The following TRAPPC9 variants were observed in gnomAD, a reference collection of about 807,000 sequenced individuals.
The protein encoded by TRAPPC9 is trafficking protein particle complex subunit 9, also known as IKK2 binding protein.
A neutral mutation model predicts 124.0 loss-of-function variants in TRAPPC9; 83 were observed. That is an observed-to-expected ratio of 0.67 (90% CI 0.56 to 0.80). The LOEUF (loss-of-function observed/expected upper bound fraction) is 0.80. Ranked by LOEUF, TRAPPC9 falls within the 30% of genes least tolerant of loss-of-function variation. The pLI is 0.00. For synonymous variants in TRAPPC9, 638 were observed against 617.5 expected, an observed-to-expected ratio of 1.03 and a Z score of -0.49; for missense variants, 1,302 against 1,508.3, an observed-to-expected ratio of 0.86 and a Z score of 2.27.
Position 139,877,902 on chromosome 8 carries a change from G to A in TRAPPC9, c.3055+7977C>T, listed in dbSNP as rs547894282. On this transcript the variant is annotated intron_variant, in intron 21 of 22. Coordinates refer to ENST00000438773, the MANE Select transcript of TRAPPC9 (RefSeq NM_001160372.4). Reference sequence around the variant, plus strand: ...ACGAGGGTGCAGCGGAGGCTGTGCCGAGACCCCAGTTGGCTCAGCGCTGAC... The same window carrying A: ...ACGAGGGTGCAGCGGAGGCTGTGCCAAGACCCCAGTTGGCTCAGCGCTGAC... 4.0e-4 allele frequency among the ~76,000 whole-genome samples: 61 copies of A among 152,294 alleles called. 1 individual carries two copies. In the South Asian group the frequency reaches 9.5e-3, roughly 24 times the overall value.
chr8:140,012,057 G>A (rs778970389), intron 18 of TRAPPC9, among the ~76,000 whole-genome samples: 8 of 152,128 alleles, frequency 5.3e-5, no homozygotes, highest in African/African-American at 1.2e-4. Context: ...TGATCTGCCC[G>A]CCTTGGCCTC....
In TRAPPC9 at chr8:139,973,836, C is replaced by T. The variant is rs1045886914; in HGVS notation, c.2810+14890G>A. On this transcript the variant is annotated intron_variant, in intron 19 of 22. Coordinates refer to ENST00000438773, the MANE Select transcript of TRAPPC9 (RefSeq NM_001160372.4). The stretch of plus-strand genomic sequence containing the variant: ...CAGGGACCTTCTCCACAGACCCACT[C>T]CTGGATGTTGAGACACGCACCAGGC... Among the ~76,000 whole-genome samples, 10 of 152,136 alleles carry T rather than the reference C, an allele frequency of 6.6e-5. No homozygotes were observed. The East Asian group carries it at 1.7e-3, about 26-fold the overall frequency.
intron 9 of TRAPPC9, among the ~76,000 whole-genome samples, chr8:140,350,263 A>ATTCAGCGG (rs2067517073): frequency 1.5e-5 from 2 of 132,158 alleles, no homozygotes; most frequent in Non-Finnish European, 3.3e-5. Context: ...GTATTCAGCG[A>ATTCAGCGG]CGTCTGCTGC....
chr8:140,381,616 C>T (rs1230219448), intron 7 of TRAPPC9, among the ~76,000 whole-genome samples: 5 of 123,858 alleles, frequency 4.0e-5, no homozygotes, highest in African/African-American at 1.3e-4. Flanking sequence ...TGCAGTGAGT[C>T]GAGATTGTGC....
At chr8:140,019,546 T>G (rs1275732934) in intron 18 of TRAPPC9, among the ~76,000 whole-genome samples, 2 of 124,728 alleles carry the variant, frequency 1.6e-5, no homozygotes, top group African/African-American at 6.5e-5. Context: ...TTGTGTCTTT[T>G]TTTTTTTTTT....
intron 21 of TRAPPC9, among the ~76,000 whole-genome samples, chr8:139,833,652 G>A (rs1308236951): frequency 2.0e-5 from 3 of 152,250 alleles, no homozygotes; most frequent in South Asian, 4.1e-4. Context: ...CCCAGACGTG[G>A]CCTTCCCAGC....
chr8:140,280,055 G>A (rs933755547), intron 14 of TRAPPC9, among the ~76,000 whole-genome samples: 9 of 152,176 alleles, frequency 5.9e-5, no homozygotes, highest in African/African-American at 9.7e-5. Flanking sequence ...TTCGTTGGGC[G>A]GCTGGTGCCC....
chr8:140,173,028 T>C (rs2061995810), intron 17 of TRAPPC9, among the ~76,000 whole-genome samples: 5 of 152,132 alleles, frequency 3.3e-5, no homozygotes, highest in Admixed American at 3.3e-4. Flanking sequence ...GCCCTAAGCA[T>C]GAGACAGTAG....
chr8:140,176,828 ACT>A (rs1190441295), intron 17 of TRAPPC9, among the ~76,000 whole-genome samples: 1 of 151,940 alleles, frequency 6.6e-6, no homozygotes, highest in Non-Finnish European at 1.5e-5. Flanking sequence ...TGCAATAATC[ACT>A]CTTTTTAGTC....
chr8:139,744,783 G>C (rs566999849), intron 21 of TRAPPC9, among the ~76,000 whole-genome samples: 1 of 152,228 alleles, frequency 6.6e-6, no homozygotes, highest in African/African-American at 2.4e-5. Context: ...CCCTCAAGTC[G>C]AGAACAGCTC....
At chr8:140,085,931 C>A (rs184670863) in intron 17 of TRAPPC9, among the ~76,000 whole-genome samples, 1 of 152,138 alleles carries the variant, frequency 6.6e-6, no homozygotes, top group East Asian at 1.9e-4. Context: ...CCACCCCACA[C>A]CCCCTTAGGA....
rs1844286754 is a variant in TRAPPC9 at position 140,087,703 on chromosome 8, T to G, written c.2557-63624A>C. Among the ~76,000 whole-genome samples, 1 of 152,150 alleles carries G rather than the reference T, an allele frequency of 6.6e-6. No individual in the cohort carries two copies. The highest frequency in any genetic ancestry group is 6.5e-5 in the Admixed American group (1 of 15,270). On this transcript the variant is annotated intron_variant, in intron 17 of 22. Transcript: ENST00000438773. This position sits in a 1 kb window ranked among gnomAD's most constrained non-coding sequence, Gnocchi z 4.6. ...TCATCGCTTGTCTGGACAATGCCAC[T>G]GGCTCCCCACCTCGTCTCCCCTGCC...
intron 21 of TRAPPC9, among the ~76,000 whole-genome samples, chr8:139,765,340 T>C (rs1174226708): frequency 1.3e-5 from 2 of 152,166 alleles, no homozygotes; most frequent in Non-Finnish European, 2.9e-5. Context: ...AGCTACAGGG[T>C]CACTGACGCC....
At chr8:140,021,119 T>C (rs903305395) in intron 18 of TRAPPC9, among the ~76,000 whole-genome samples, 3 of 152,230 alleles carry the variant, frequency 2.0e-5, no homozygotes, top group South Asian at 2.1e-4. Flanking sequence ...CTGGATACAG[T>C]AGATTTGAGT....
At chr8:140,410,633 G>A (rs557604073) in intron 5 of TRAPPC9, among the ~76,000 whole-genome samples, 1 of 152,294 alleles carries the variant, frequency 6.6e-6, no homozygotes, top group East Asian at 1.9e-4. Flanking sequence ...CACAAGGTCA[G>A]GAGATCAAAA....
chr8:140,073,275 A>G (rs1467394844), intron 17 of TRAPPC9, among the ~76,000 whole-genome samples: 1 of 152,260 alleles, frequency 6.6e-6, no homozygotes, highest in African/African-American at 2.4e-5. Flanking sequence ...TGTTCATAAC[A>G]GCTTTATTCA....
intron 10 of TRAPPC9, among the ~76,000 whole-genome samples, chr8:140,307,115 T>C (rs1039859691): frequency 1.3e-5 from 2 of 152,166 alleles, no homozygotes; most frequent in African/African-American, 4.8e-5. Flanking sequence ...CAAAAGGACA[T>C]TGTCCCCCTG....
At chr8:139,804,088 C>T (rs554375005) in intron 21 of TRAPPC9, among the ~76,000 whole-genome samples, 5 of 149,204 alleles carry the variant, frequency 3.4e-5, no homozygotes, top group Non-Finnish European at 7.5e-5. Context: ...CACGACGCAC[C>T]ACCACCACCA....
intron 17 of TRAPPC9, among the ~76,000 whole-genome samples, chr8:140,198,684 T>G (rs2062719095): frequency 6.6e-6 from 1 of 152,096 alleles, no homozygotes; most frequent in Non-Finnish European, 1.5e-5. Flanking sequence ...CTATTGCAAT[T>G]CCCCTGTCTT....
Sources: allele counts gnomAD v4.1 joint callset (sites outside exome capture counted in the v4.1 genomes callset), GRCh38; gene constraint gnomAD v4.1.1; non-coding constraint Gnocchi (gnomAD v3.1); transcripts MANE v1.5; gene names NCBI Gene and HGNC (gene_info 2026-07-23, HGNC 2026-07-21).